IL7R: variants seen among roughly 807,000 people sequenced by gnomAD.
The protein encoded by IL7R is interleukin-7 receptor subunit alpha.
A neutral mutation model predicts 47.0 loss-of-function variants in IL7R; 38 were observed. The observed-to-expected ratio is 0.81, with a 90% confidence interval of 0.62 to 1.06. The LOEUF (loss-of-function observed/expected upper bound fraction) is 1.06. Ranked by LOEUF, IL7R falls within the 50% of genes least tolerant of loss-of-function variation. The probability of loss-of-function intolerance (pLI) is 0.00; values close to 1 mark genes in which losing one functional copy is unlikely to be tolerated. For missense variants in IL7R, 633 were observed against 534.8 expected (o/e 1.18, Z -1.81); for synonymous variants, 221 against 199.8 (o/e 1.11, Z -0.89).
chr5:35,866,184 T>C (rs1158352073), intron 2 of IL7R, among the ~76,000 whole-genome samples: 1 of 152,204 alleles, frequency 6.6e-6, no homozygotes, highest in African/African-American at 2.4e-5. Context: ...AACCAGGTTA[T>C]TTATGTCTTC....
Position 35,876,202 on chromosome 5 carries a change from T to A in IL7R, c.1096T>A (p.Ser366Thr), listed in dbSNP as rs201671392. ...TCCAGAAAGCTTTGGAAGAGATTCA[T>A]CCCTCACATGCCTGGCTGGGAATGT... ...ITPESFGRDS[S>T]LTCLAGNVSA... The change falls in exon 8 of 8, where the codon TCC becomes ACC. Residue 366 changes from serine (S) to threonine (T), a missense_variant. By Grantham distance (58) the Ser-to-Thr change is moderately conservative. Transcript: ENST00000303115. The A allele has an allele frequency of 1.2e-6, 2 of 1,614,140 alleles. No homozygotes were observed. The highest frequency in any genetic ancestry group is 1.7e-6 in the Non-Finnish European group (2 of 1,180,012).
chr5:35,871,152 A>G lies in IL7R; in HGVS notation c.476A>G (p.Tyr159Cys). The G allele has an allele frequency of 6.2e-7, 1 of 1,613,196 alleles. No individual in the cohort carries two copies. The highest frequency in any genetic ancestry group is 1.1e-5 in the South Asian group (1 of 91,078). ...TFNTSHLQKK[Y>C]VKVLMHDVAY... ...AATACATCACACTTGCAAAAGAAGT[A>G]TGTAAAAGTTTTAATGCACGATGTA... Residue 159 changes from tyrosine (Y) to cysteine (C), a missense_variant, in exon 4 of 8, where the codon TAT (tyrosine) becomes TGT (cysteine). By Grantham distance (194) the Tyr-to-Cys change is radical (BLOSUM62 -2). Transcript: ENST00000303115.
At chr5:35,867,513 A>G (rs938154016) in intron 3 of IL7R, 50 bp downstream of exon 3, 3 of 1,458,408 alleles carry the variant, frequency 2.1e-6, no homozygotes, top group Non-Finnish European at 2.9e-6. Context: ...GCTACCTGAA[A>G]ACACTGTGTC....
In IL7R at chr5:35,873,766, A is replaced by T. The variant is rs11567776; in HGVS notation, c.706+118A>T. ...GCAAAATAGGACACCCTTGGAGGGC[A>T]CTCTTACACTTTCTTTGGAGAATGA... On this transcript the variant is annotated intron_variant, in intron 5 of 7. Coordinates refer to ENST00000303115, the MANE Select transcript of IL7R (RefSeq NM_002185.5). 9.6e-4 allele frequency: 869 copies of T among 908,330 alleles called. 2 individuals carry two copies. The highest frequency in any genetic ancestry group is 1.4e-3 in the Non-Finnish European group (740 of 543,528). 56.3% of individuals were successfully genotyped at this position (908,330 alleles called of 1,614,324 possible). A position where few individuals can be genotyped will look rare whatever the true frequency, so the allele number is the denominator to read the frequency against.
intron 5 of IL7R, 137 bp downstream of exon 5, chr5:35,873,785 A>C: frequency 1.2e-6 from 1 of 815,210 alleles, no homozygotes; most frequent in Non-Finnish European, 2.1e-6. Context: ...CTTTCTTTGG[A>C]GAATGACTTG....
chr5:35,876,467 G>T lies in IL7R; in HGVS notation c.1361G>T (p.Ser454Ile), dbSNP rs750554449. The T allele has an allele frequency of 6.2e-7, 1 of 1,603,352 alleles. No homozygotes were observed. The highest frequency in any genetic ancestry group is 8.5e-7 in the Non-Finnish European group (1 of 1,179,938). Reference protein sequence around the residue: ...NQEEAYVTMSSFYQNQ With the variant: ...NQEEAYVTMSIFYQNQ ...GAAGAAGCATATGTCACCATGTCCAGCTTCTACCAAAACCAGTGAAGTGTA... is the reference window on the plus strand; with the variant it reads ...GAAGAAGCATATGTCACCATGTCCATCTTCTACCAAAACCAGTGAAGTGTA... Residue 454 changes from serine (S) to isoleucine (I), a missense_variant, in exon 8 of 8, where the codon AGC (serine) becomes ATC (isoleucine). Coordinates refer to ENST00000303115, the MANE Select transcript of IL7R (RefSeq NM_002185.5).
Position 35,877,670 on chromosome 5 carries a change from T to G in IL7R, c.*1184T>G, listed in dbSNP as rs1336629365. ...TCCAGCAATAGAGGCTGCCACAAAC[T>G]TCAGGGAGAAAGAGTTACAAGTACA... is the stretch of plus-strand genomic sequence containing the variant. On this transcript the variant is annotated 3_prime_UTR_variant, in exon 8 of 8. Transcript: ENST00000303115. The G allele has an allele frequency of 4.3e-6, 1 of 233,194 alleles. No individual in the cohort carries two copies. Among genetic ancestry groups the G allele is most frequent in the Admixed American group, 5.6e-5 (1 of 17,776 alleles). 14.4% of individuals were successfully genotyped at this position (233,194 alleles called of 1,614,324 possible).
intron 6 of IL7R, 47 bp from the exon 7 acceptor site, chr5:35,875,465 T>C (rs1368741727): frequency 7.9e-7 from 1 of 1,266,848 alleles, no homozygotes; most frequent in South Asian, 1.2e-5. Flanking sequence ...TCAGTGTGCC[T>C]GTGCCCTCTG....
rs1759963585 is a variant in IL7R at position 35,867,332 on chromosome 5, T to C, written c.248T>C (p.Leu83Pro). ...GGGGCCCTCGTGGAGGTAAAGTGCC[T>C]GAATTTCAGGAAACTACAAGAGATA... is the stretch of plus-strand genomic sequence containing the variant. ...ICGALVEVKC[L>P]NFRKLQEIYF... is the part of the protein sequence containing the mutation. The change falls in exon 3 of 8, where the codon CTG becomes CCG. Residue 83 changes from leucine to proline, a missense_variant. By Grantham distance (98) the Leu-to-Pro change is moderately conservative. Coordinates refer to ENST00000303115, the MANE Select transcript of IL7R (RefSeq NM_002185.5). 6.2e-7 allele frequency: 1 copy of C among 1,613,730 alleles called. No homozygotes were observed.
intron 3 of IL7R, among the ~76,000 whole-genome samples, chr5:35,868,799 C>T (rs149333430): frequency 6.6e-6 from 1 of 152,158 alleles, no homozygotes. Flanking sequence ...GCATGCAAGC[C>T]CTTACATGCA....
Position 35,860,067 on chromosome 5 carries a change from CA to C in IL7R, c.83-771del, listed in dbSNP as rs34227144. 6.1e-3 allele frequency among the ~76,000 whole-genome samples: 866 copies of C among 141,360 alleles called. 3 individuals carry two copies. The highest frequency in any genetic ancestry group is 9.1e-3 in the African/African-American group (353 of 38,682). 92.7% of individuals were successfully genotyped at this position (141,360 alleles called of 152,430 possible). On this transcript the variant is annotated intron_variant, in intron 1 of 7. Transcript: ENST00000303115. ...AGATCACACTTTCCAAAAGTAATAG[CA>C]AAAAAAAAAAAAATCTGGTTCCCCA...
In IL7R at chr5:35,877,172, A is replaced by G. The variant is rs1166443832; in HGVS notation, c.*686A>G. The stretch of plus-strand genomic sequence containing the variant: ...GGTGTGCCTAGATAATTTATGATCC[A>G]AACTGAGTCAGTTTGGAAAGTGAAA... On this transcript the variant is annotated 3_prime_UTR_variant, in exon 8 of 8. Transcript: ENST00000303115. 2 of 233,310 alleles carry G rather than the reference A, an allele frequency of 8.6e-6. No homozygotes were observed. Among genetic ancestry groups the G allele is most frequent in the East Asian group, 6.0e-5 (1 of 16,594 alleles). The allele number at this position is 233,310 out of a possible 1,614,324, so 14.5% of individuals were successfully genotyped here.
At chr5:35,857,167 T>C (rs1759670564) in intron 1 of IL7R, 108 bp downstream of exon 1, 2 of 765,372 alleles carry the variant, frequency 2.6e-6, no homozygotes, top group Non-Finnish European at 4.7e-6. Context: ...TGAATGCAGT[T>C]TGAGAATTTC....
chr5:35,871,367 C>T (rs1760072201), intron 4 of IL7R, among the ~76,000 whole-genome samples, 154 bp downstream of exon 4: 1 of 152,176 alleles, frequency 6.6e-6, no homozygotes, highest in African/African-American at 2.4e-5. Context: ...CCCATGAAAA[C>T]CTGGATCTTC....
chr5:35,861,480 G>C (rs550070193), intron 2 of IL7R, among the ~76,000 whole-genome samples: 1 of 152,286 alleles, frequency 6.6e-6, no homozygotes, highest in South Asian at 2.1e-4. Flanking sequence ...CAGGAAGGCT[G>C]TGATGGTTAA....
intron 5 of IL7R, among the ~76,000 whole-genome samples, chr5:35,873,934 G>C (rs1485277695): frequency 6.6e-6 from 1 of 152,144 alleles, no homozygotes; most frequent in South Asian, 2.1e-4. Flanking sequence ...ACTACGTCCA[G>C]TTAACCAATT....
chr5:35,875,478 A>G (rs113444486), intron 6 of IL7R, 34 bp from the exon 7 acceptor site: 3 of 1,446,860 alleles, frequency 2.1e-6, no homozygotes, highest in South Asian at 1.1e-5. Context: ...GCCCTCTGCC[A>G]TTCACTTCAT....
intron 3 of IL7R, among the ~76,000 whole-genome samples, chr5:35,870,455 A>T (rs954134041): frequency 6.6e-6 from 1 of 152,230 alleles, no homozygotes; most frequent in South Asian, 2.1e-4. Context: ...TGCAAGGTTC[A>T]CAGCATATAA....
rs757519422 is a variant in IL7R, at chr5:35,878,728, C to A, written c.*2242C>A. 6.2e-4 allele frequency: 145 copies of A among 232,698 alleles called. No homozygotes were observed. Among genetic ancestry groups the A allele is most frequent in the Non-Finnish European group, 1.0e-3 (123 of 117,828 alleles). 14.4% of individuals were successfully genotyped at this position (232,698 alleles called of 1,614,324 possible). The stretch of plus-strand genomic sequence containing the variant: ...TTATTTTCTTTGACTTATGGGAAAA[C>A]TGGGACACAGGAAGACAGGTAAATT... On this transcript the variant is annotated 3_prime_UTR_variant, in exon 8 of 8. Transcript: ENST00000303115.
Sources: allele counts gnomAD v4.1 joint callset (sites outside exome capture counted in the v4.1 genomes callset), GRCh38; gene constraint gnomAD v4.1.1; transcripts MANE v1.5; gene names NCBI Gene and HGNC (gene_info 2026-07-23, HGNC 2026-07-21).